Variants in LRRTM4 observed in about 807,000 individuals in gnomAD.
The protein encoded by LRRTM4 is leucine rich repeat transmembrane neuronal 4.
A neutral mutation model predicts 47.6 loss-of-function variants in LRRTM4; 25 were observed. The observed-to-expected ratio is 0.53, with a 90% confidence interval of 0.38 to 0.73. LRRTM4 has a LOEUF of 0.73. Ranked by LOEUF, LRRTM4 falls within the 30% of genes least tolerant of loss-of-function variation. The probability of loss-of-function intolerance (pLI) is 0.00; values close to 1 mark genes in which losing one functional copy is unlikely to be tolerated. For missense variants in LRRTM4, 638 were observed against 713.4 expected (o/e 0.89, Z 1.20); for synonymous variants, 311 against 269.5 (o/e 1.15, Z -1.51).
chr2:76,794,588 C>CCAGGCACCTATACCATT (rs1675164804), intron 3 of LRRTM4, among the ~76,000 whole-genome samples: 1 of 152,088 alleles, frequency 6.6e-6, no homozygotes, highest in Non-Finnish European at 1.5e-5. Context: ...ATTTTACTAA[C>CCAGGCACCTATACCATT]CAGGCACCTA....
intron 3 of LRRTM4, among the ~76,000 whole-genome samples, chr2:76,855,625 A>G (rs185675269): frequency 6.6e-6 from 1 of 152,334 alleles, no homozygotes; most frequent in Admixed American, 6.5e-5. Context: ...TTTAATAAAA[A>G]TTAGAATAAA....
In LRRTM4 at chr2:77,141,197, C is replaced by A. The variant is rs557157087; in HGVS notation, c.1551+377121G>T. On this transcript the variant is annotated intron_variant, in intron 3 of 3. Coordinates refer to ENST00000409884, the MANE Select transcript of LRRTM4 (RefSeq NM_001134745.3). ...CGTATGTTTATTGTGGCACTATTCA[C>A]AATAACAAATACTTGTAACCAACCC... Among the ~76,000 whole-genome samples the A allele has an allele frequency of 3.3e-5, 5 of 152,244 alleles. No individual in the cohort carries two copies. In the East Asian group the frequency reaches 9.7e-4, roughly 29 times the overall value.
At chr2:76,931,590 T>G (rs74666104) in intron 3 of LRRTM4, among the ~76,000 whole-genome samples, 1,610 of 152,278 alleles carry the variant, frequency 0.011, 44 homozygotes, top group African/African-American at 0.037. Context: ...TAAGGACAAT[T>G]CTTCCTTGCC....
chr2:77,077,041 T>C (rs1320597407), intron 3 of LRRTM4, among the ~76,000 whole-genome samples: 1 of 152,102 alleles, frequency 6.6e-6, no homozygotes, highest in Non-Finnish European at 1.5e-5. Context: ...CCCCAACAGC[T>C]TATTTGTTGA....
intron 3 of LRRTM4, among the ~76,000 whole-genome samples, chr2:77,207,140 A>ATT (rs1311582663): frequency 4.3e-4 from 54 of 125,276 alleles, no homozygotes; most frequent in South Asian, 3.4e-3. Flanking sequence ...TATATTTTAT[A>ATT]TTTATATATA....
intron 3 of LRRTM4, among the ~76,000 whole-genome samples, chr2:77,026,079 T>C (rs1308120782): frequency 1.3e-5 from 2 of 152,210 alleles, no homozygotes; most frequent in Non-Finnish European, 2.9e-5. Flanking sequence ...AAACAAAATG[T>C]TATTTTCTTT....
At chr2:76,770,061 G>A (rs902622070) in intron 3 of LRRTM4, among the ~76,000 whole-genome samples, 1 of 152,110 alleles carries the variant, frequency 6.6e-6, no homozygotes, top group African/African-American at 2.4e-5. Flanking sequence ...TTTAGAGTGG[G>A]AGATGAAGAC....
At chr2:77,082,865 A>G (rs1464785040) in intron 3 of LRRTM4, among the ~76,000 whole-genome samples, 1 of 152,114 alleles carries the variant, frequency 6.6e-6, no homozygotes, top group Admixed American at 6.5e-5. Flanking sequence ...TAAAAGTAAT[A>G]TTTTACTATT....
At chr2:77,265,030 T>C (rs1319188429) in intron 3 of LRRTM4, among the ~76,000 whole-genome samples, 1 of 152,116 alleles carries the variant, frequency 6.6e-6, no homozygotes, top group Admixed American at 6.6e-5. Flanking sequence ...TCACAGTGAA[T>C]GGCTTTTGTA....
chr2:77,172,874 AAAG>A (rs1439868438), intron 3 of LRRTM4, among the ~76,000 whole-genome samples: 2 of 152,200 alleles, frequency 1.3e-5, no homozygotes, highest in African/African-American at 4.8e-5. Flanking sequence ...GGCTTAACAT[AAAG>A]AAGGTTTATT....
chr2:77,296,446 T>C (rs1377956370), intron 3 of LRRTM4, among the ~76,000 whole-genome samples: 2 of 152,166 alleles, frequency 1.3e-5, no homozygotes, highest in African/African-American at 2.4e-5. Context: ...TATTACAGCA[T>C]TTTTCTTGGG....
At chr2:77,069,113 T>C (rs534475075) in intron 3 of LRRTM4, among the ~76,000 whole-genome samples, 1 of 152,340 alleles carries the variant, frequency 6.6e-6, no homozygotes, top group South Asian at 2.1e-4. Context: ...AAATCTCTAT[T>C]CGAGGCTTTC....
At chr2:77,071,924 G>T (rs1162336018) in intron 3 of LRRTM4, among the ~76,000 whole-genome samples, 1 of 152,142 alleles carries the variant, frequency 6.6e-6, no homozygotes, top group East Asian at 1.9e-4. Flanking sequence ...GCCACATCGG[G>T]CTAGTGGGTG....
At chr2:76,779,905 G>A (rs973837731) in intron 3 of LRRTM4, among the ~76,000 whole-genome samples, 10 of 151,988 alleles carry the variant, frequency 6.6e-5, no homozygotes, top group South Asian at 2.1e-4. Flanking sequence ...GGTACCGGTT[G>A]TTCCTTTCCA....
chr2:77,154,362 A>T (rs532842327), intron 3 of LRRTM4, among the ~76,000 whole-genome samples: 1 of 152,198 alleles, frequency 6.6e-6, no homozygotes, highest in African/African-American at 2.4e-5. Flanking sequence ...AATAGAAGAC[A>T]TGGTCCACCT....
chr2:77,495,019 T>C (rs529484474), intron 3 of LRRTM4, among the ~76,000 whole-genome samples: 32 of 152,286 alleles, frequency 2.1e-4, no homozygotes, highest in Admixed American at 2.0e-3. Flanking sequence ...ATTATATGGA[T>C]ACACTACAAT....
chr2:77,160,768 A>C (rs1283765557), intron 3 of LRRTM4, among the ~76,000 whole-genome samples: 1 of 152,164 alleles, frequency 6.6e-6, no homozygotes, highest in Admixed American at 6.5e-5. Flanking sequence ...GCTTGCTTTG[A>C]AACTGCCCTC....
chr2:77,278,269 C>T (rs1174234755), intron 3 of LRRTM4, among the ~76,000 whole-genome samples: 1 of 151,872 alleles, frequency 6.6e-6, no homozygotes, highest in Non-Finnish European at 1.5e-5. Context: ...CTTATAATCA[C>T]CAGAAAAATT....
intron 3 of LRRTM4, among the ~76,000 whole-genome samples, chr2:76,913,200 A>G (rs1305685609): frequency 6.6e-6 from 1 of 152,064 alleles, no homozygotes; most frequent in Admixed American, 6.6e-5. Context: ...AAATATTGTT[A>G]TATTTATTGA....
Sources: gnomAD v4.1 joint callset for allele counts (sites outside exome capture counted in the v4.1 genomes callset) on GRCh38, gnomAD v4.1.1 for gene constraint, MANE v1.5 for transcripts, NCBI Gene and HGNC (gene_info 2026-07-23, HGNC 2026-07-21) for gene names.